Variants in RIN2 observed in about 807,000 individuals in gnomAD.
The protein encoded by RIN2 is Ras and Rab interactor 2, also known as RAB5 interacting protein 2.
Under a neutral mutation model 78.0 loss-of-function variants are expected in RIN2, and 36 were observed. The ratio of observed to expected loss-of-function variants is 0.46; its 90% CI spans 0.35 to 0.61. The LOEUF (loss-of-function observed/expected upper bound fraction) is 0.61. Ranked by LOEUF, RIN2 falls within the 20% of genes least tolerant of loss-of-function variation. The probability of loss-of-function intolerance (pLI) is 0.00; values close to 1 mark genes in which losing one functional copy is unlikely to be tolerated. For missense variants in RIN2, 1,087 were observed against 1,159.7 expected (o/e 0.94, Z 0.91); for synonymous variants, 466 against 466.8 (o/e 1.00, Z 0.02).
intron 2 of RIN2, among the ~76,000 whole-genome samples, chr20:19,840,572 G>C (rs1365614611): frequency 6.6e-6 from 1 of 152,202 alleles, no homozygotes; most frequent in East Asian, 1.9e-4. Context: ...CTTCTGTCAA[G>C]GGTAAGTCCC....
intron 1 of RIN2, among the ~76,000 whole-genome samples, chr20:19,770,593 C>T (rs1056602578): frequency 6.6e-6 from 1 of 151,516 alleles, no homozygotes; most frequent in Non-Finnish European, 1.5e-5. Context: ...GCTCAGTCAC[C>T]ACCAAGCTCT....
chr20:19,896,637 T>A, intron 3 of RIN2, among the ~76,000 whole-genome samples: 1 of 152,196 alleles, frequency 6.6e-6, no homozygotes. Flanking sequence ...AAGTAGAGAT[T>A]TAGTCACAGT....
At position 19,787,445 on chromosome 20, in the gene RIN2, AAGAG is replaced by A. The variant is rs1182054268; in HGVS notation, c.-162-12163_-162-12160del. Among the ~76,000 whole-genome samples the A allele has an allele frequency of 2.0e-3, 295 of 148,226 alleles. 1 individual carries two copies. The highest frequency in any genetic ancestry group is 2.4e-3 in the Non-Finnish European group (164 of 66,972). On this transcript the variant is annotated intron_variant, in intron 1 of 12. Transcript: ENST00000255006. ...CTTAAAAAAAAAAAAAAAAAAAAAA[AAGAG>A]AGAGAGAGAGAGAAATGACCTCAAA...
At position 19,975,541 on chromosome 20, in the gene RIN2, T is replaced by A. The variant is rs751031704; in HGVS notation, c.1516T>A (p.Ser506Thr). Residue 506 changes from serine to threonine, a missense_variant, in exon 9 of 13, where the codon TCC (serine) becomes ACC (threonine). Physicochemically the swap from Ser to Thr is moderately conservative, Grantham distance 58 (BLOSUM62 1). This residue lies in a region of RIN2 where 706 missense variants were observed against 667.5 expected (regional missense o/e 1.06). Coordinates refer to ENST00000255006, the MANE Select transcript of RIN2 (RefSeq NM_018993.4). This position sits in a 1 kb window ranked among gnomAD's most constrained non-coding sequence, Gnocchi z 4.9. Reference sequence around the variant, plus strand: ...GCAGAAGGTGAGCGGGGTGTTCAGCTCCTTCATGACCCCGGAGAAGCGGAT... The same window carrying A: ...GCAGAAGGTGAGCGGGGTGTTCAGCACCTTCATGACCCCGGAGAAGCGGAT... Reference protein sequence around the residue: ...QLQKVSGVFSSFMTPEKRMVR... With the variant: ...QLQKVSGVFSTFMTPEKRMVR... The A allele has an allele frequency of 2.5e-6, 4 of 1,613,998 alleles. No individual in the cohort carries two copies. The East Asian group carries it at 8.9e-5, about 36-fold the overall frequency.
At chr20:19,872,912 T>G (rs138781539) in intron 2 of RIN2, among the ~76,000 whole-genome samples, 2 of 152,238 alleles carry the variant, frequency 1.3e-5, no homozygotes, top group East Asian at 3.9e-4. Context: ...AAAATATGCA[T>G]GTAAGGTACC....
At chr20:19,920,101 TG>T (rs1269196375) in intron 3 of RIN2, among the ~76,000 whole-genome samples, 4 of 152,008 alleles carry the variant, frequency 2.6e-5, no homozygotes, top group Middle Eastern at 3.2e-3. Context: ...AAGACCATCC[TG>T]GCTAACACGG....
At chr20:19,840,257 G>A (rs1384445015) in intron 2 of RIN2, among the ~76,000 whole-genome samples, 2 of 152,152 alleles carry the variant, frequency 1.3e-5, no homozygotes, top group Non-Finnish European at 2.9e-5. Flanking sequence ...GTGAGTCTGG[G>A]TCTCAGGGTT....
chr20:19,825,040 C>A (rs918060993), intron 2 of RIN2, among the ~76,000 whole-genome samples: 6 of 152,224 alleles, frequency 3.9e-5, no homozygotes, highest in African/African-American at 1.2e-4. Flanking sequence ...CATGGCCCGC[C>A]TTGTCACCAG....
At chr20:19,825,818 A>G (rs573121835) in intron 2 of RIN2, among the ~76,000 whole-genome samples, 1 of 152,198 alleles carries the variant, frequency 6.6e-6, no homozygotes, top group East Asian at 1.9e-4. Flanking sequence ...CACTCACAGG[A>G]TTTTGCATTT....
At chr20:19,869,162 C>T (rs1308397300) in intron 2 of RIN2, among the ~76,000 whole-genome samples, 8 of 150,826 alleles carry the variant, frequency 5.3e-5, no homozygotes, top group African/African-American at 1.2e-4. Flanking sequence ...TACAGAAACA[C>T]GCAGGGTGGA....
intron 1 of RIN2, among the ~76,000 whole-genome samples, chr20:19,769,504 A>T (rs1600407070): frequency 6.6e-6 from 1 of 152,050 alleles, no homozygotes; most frequent in African/African-American, 2.4e-5. Context: ...ATCATCATCG[A>T]CCCTCCATCT....
At chr20:19,914,661 C>T (rs1362983820) in intron 3 of RIN2, among the ~76,000 whole-genome samples, 1 of 152,182 alleles carries the variant, frequency 6.6e-6, no homozygotes, top group Non-Finnish European at 1.5e-5. Context: ...GGCTCTCACA[C>T]TCCAGTGGAA....
At chr20:19,996,466 C>A (rs776402084) in intron 11 of RIN2, among the ~76,000 whole-genome samples, 2 of 152,164 alleles carry the variant, frequency 1.3e-5, no homozygotes, top group Non-Finnish European at 2.9e-5. Context: ...AGGCCTGGGT[C>A]GCTCCAGAAA....
chr20:19,908,704 A>G (rs1250755323), intron 3 of RIN2, among the ~76,000 whole-genome samples: 2 of 152,230 alleles, frequency 1.3e-5, no homozygotes, highest in African/African-American at 4.8e-5. Context: ...AATCAAATTG[A>G]AGAGTCAGAA....
At chr20:19,773,367 G>A (rs773358860) in intron 1 of RIN2, among the ~76,000 whole-genome samples, 1 of 152,198 alleles carries the variant, frequency 6.6e-6, no homozygotes, top group Non-Finnish European at 1.5e-5. Context: ...ATAACTAGGT[G>A]TAAAATTAGA....
chr20:19,976,215 A>C lies in RIN2; in HGVS notation c.1762+428A>C, dbSNP rs909322126. Among the ~76,000 whole-genome samples, 3 of 152,286 alleles carry C rather than the reference A, an allele frequency of 2.0e-5. No individual in the cohort carries two copies. In the East Asian group the frequency reaches 5.8e-4, roughly 29 times the overall value. ...AGTAAACTTTTTATTGAGGTGTAGCATATGTTCAGAGAGCACAAAACTCAC... is the reference window on the plus strand; with the variant it reads ...AGTAAACTTTTTATTGAGGTGTAGCCTATGTTCAGAGAGCACAAAACTCAC... On this transcript the variant is annotated intron_variant, in intron 9 of 12. Transcript: ENST00000255006.
chr20:19,902,075 A>G (rs1469746565), intron 3 of RIN2, among the ~76,000 whole-genome samples: 2 of 151,972 alleles, frequency 1.3e-5, no homozygotes, highest in Non-Finnish European at 2.9e-5. Context: ...GCATTGTTCT[A>G]AGCACTTTAA....
chr20:19,985,332 A>G (rs2042589413), intron 9 of RIN2, among the ~76,000 whole-genome samples: 1 of 152,216 alleles, frequency 6.6e-6, no homozygotes, highest in South Asian at 2.1e-4. Flanking sequence ...AGAAGCCAAC[A>G]CATTGAATAC....
At chr20:19,775,161 T>C (rs1341267919) in intron 1 of RIN2, among the ~76,000 whole-genome samples, 1 of 152,134 alleles carries the variant, frequency 6.6e-6, no homozygotes, top group South Asian at 2.1e-4. Context: ...TACAAATGCA[T>C]TGGTAGCAGT....
Sources: gnomAD v4.1 joint callset for allele counts (sites outside exome capture counted in the v4.1 genomes callset) on GRCh38, gnomAD v4.1.1 for gene constraint, gnomAD v4.1.1 regional missense constraint, Gnocchi (gnomAD v3.1) non-coding constraint, MANE v1.5 for transcripts, NCBI Gene and HGNC (gene_info 2026-07-23, HGNC 2026-07-21) for gene names.